Variants in VIPAS39 observed in about 807,000 individuals in gnomAD.
VIPAS39 encodes the protein spermatogenesis-defective protein 39 homolog.
In VIPAS39, 63 loss-of-function variants were observed where a neutral mutation model predicts 84.7. The observed-to-expected ratio is 0.74, with a 90% CI of 0.61 to 0.92. VIPAS39 has a LOEUF of 0.92. VIPAS39 is among the 40% of genes least tolerant of loss of function. The pLI, the probability that VIPAS39 is intolerant of heterozygous loss-of-function variation, is 0.00. For missense variants in VIPAS39, 499 were observed against 604.5 expected, an observed-to-expected ratio of 0.83 and a Z score of 1.83; for synonymous variants, 192 against 216.5, an observed-to-expected ratio of 0.89 and a Z score of 0.99.
intron 17 of VIPAS39, among the ~76,000 whole-genome samples, chr14:77,429,368 G>A (rs2078483028): frequency 6.6e-6 from 1 of 152,184 alleles, no homozygotes; most frequent in African/African-American, 2.4e-5. Context: ...GTGATCCAGT[G>A]CTCTGCTCAT....
intron 1 of VIPAS39, among the ~76,000 whole-genome samples, chr14:77,456,302 G>A (rs910483499): frequency 1.3e-5 from 2 of 151,834 alleles, no homozygotes; most frequent in Non-Finnish European, 2.9e-5. Context: ...ACATCATCCT[G>A]GTACCTTGGG....
At chr14:77,456,984 G>T in intron 1 of VIPAS39, 1 of 900,804 alleles carries the variant, frequency 1.1e-6, no homozygotes, top group Non-Finnish European at 1.5e-6. Flanking sequence ...AGCCCACAAG[G>T]CAGGGTGAGA....
chr14:77,441,540 T>G (rs913253597), intron 10 of VIPAS39, among the ~76,000 whole-genome samples: 4 of 152,210 alleles, frequency 2.6e-5, no homozygotes, highest in African/African-American at 7.2e-5. Flanking sequence ...TTACTCTGAA[T>G]AGACCACCAT....
At chr14:77,452,053 T>C (rs1566739180) in intron 3 of VIPAS39, among the ~76,000 whole-genome samples, 1 of 152,056 alleles carries the variant, frequency 6.6e-6, no homozygotes, top group Non-Finnish European at 1.5e-5. Flanking sequence ...GAGCAAAAGA[T>C]TGAAAAATCT....
At chr14:77,456,888 C>T (rs2139920497) in intron 1 of VIPAS39, among the ~76,000 whole-genome samples, 1 of 152,222 alleles carries the variant, frequency 6.6e-6, no homozygotes, top group African/African-American at 2.4e-5. Context: ...TAATCAGGTA[C>T]GATTGTCACT....
rs1566743094 is a variant in VIPAS39 at position 77,457,210 on chromosome 14, A to T, written c.-1+285T>A. ...AGGATGACTCTACGGGTGAACGTCCAGGAAGCCATGGATCTACCGCAGTCG... is the reference window on the plus strand; with the variant it reads ...AGGATGACTCTACGGGTGAACGTCCTGGAAGCCATGGATCTACCGCAGTCG... On this transcript the variant is annotated intron_variant, in intron 1 of 19. Coordinates refer to ENST00000557658, the MANE Select transcript of VIPAS39 (RefSeq NM_001193315.2). 4.0e-6 allele frequency: 6 copies of T among 1,513,238 alleles called. No homozygotes were observed. In the East Asian group the frequency reaches 1.2e-4, roughly 31 times the overall value. 93.7% of individuals were successfully genotyped at this position (1,513,238 alleles called of 1,614,324 possible).
rs145453157 is a variant in VIPAS39, at chr14:77,428,376, G to A, written c.1455C>T (p.Ser485=). ...GTGAACTGTAGCTGCTCACCGAGCT[G>A]CTGAGAAGAGCATCAATCTTCTCCT... is the stretch of plus-strand genomic sequence containing the variant. The part of the protein sequence containing the change: ...AEEEKIDALL[S]SSQIRWKN Residue 485 remains serine, a synonymous_variant, in exon 19 of 20, where the codon AGC becomes AGT. Coordinates refer to ENST00000557658, the MANE Select transcript of VIPAS39 (RefSeq NM_001193315.2). 3 of 1,613,646 alleles carry A rather than the reference G, an allele frequency of 1.9e-6. No individual in the cohort carries two copies. The highest frequency in any genetic ancestry group is 1.7e-5 in the Admixed American group (1 of 59,988).
chr14:77,436,067 G>T, intron 12 of VIPAS39, 148 bp from the exon 13 acceptor site: 1 of 788,130 alleles, frequency 1.3e-6, no homozygotes, highest in Non-Finnish European at 2.2e-6. Flanking sequence ...CTTAAAGAAA[G>T]ACATCGCATG....
In VIPAS39 at chr14:77,429,722, G is replaced by C. The variant is rs757047677; in HGVS notation, c.1225C>G (p.Arg409Gly). 3.7e-6 allele frequency: 6 copies of C among 1,614,146 alleles called. No homozygotes were observed. The East Asian group carries it at 1.3e-4, about 36-fold the overall frequency. The change falls in exon 17 of 20, where the codon CGG (arginine) becomes GGG (glycine). Residue 409 changes from arginine to glycine, a missense_variant. Coordinates refer to ENST00000557658, the MANE Select transcript of VIPAS39 (RefSeq NM_001193315.2). Reference sequence around the variant, plus strand: ...TTCTTGTGCAAAATTTCGACAACCCGATGGAAGCCAATGGGTGCTCTCTTC... The same window carrying C: ...TTCTTGTGCAAAATTTCGACAACCCCATGGAAGCCAATGGGTGCTCTCTTC... ...TKKRAPIGFH[R>G]VVEILHKNNA...
At chr14:77,441,372 GTT>G (rs34716621) in intron 10 of VIPAS39, among the ~76,000 whole-genome samples, 4 of 149,176 alleles carry the variant, frequency 2.7e-5, no homozygotes, top group Non-Finnish European at 3.0e-5. Flanking sequence ...CTTGGTTGTT[GTT>G]TTTTTTTTTC....
At chr14:77,454,235 T>C (rs970179701) in intron 1 of VIPAS39, 133 bp from the exon 2 acceptor site, 2 of 792,868 alleles carry the variant, frequency 2.5e-6, no homozygotes, top group Non-Finnish European at 4.3e-6. Flanking sequence ...AAAACAAATA[T>C]TGAACCTGCC....
At chr14:77,456,663 A>T (rs2078965495) in intron 1 of VIPAS39, among the ~76,000 whole-genome samples, 1 of 152,240 alleles carries the variant, frequency 6.6e-6, no homozygotes, top group Non-Finnish European at 1.5e-5. Context: ...ACTTTCCAGA[A>T]AACTAGAGAT....
chr14:77,428,081 C>T (rs145641224), intron 19 of VIPAS39, among the ~76,000 whole-genome samples: 33 of 152,302 alleles, frequency 2.2e-4, no homozygotes, highest in African/African-American at 7.2e-4. Context: ...AACATGTTTT[C>T]ATACTTTCAA....
chr14:77,432,311 G>A (rs1439867336), intron 16 of VIPAS39, among the ~76,000 whole-genome samples: 1 of 152,064 alleles, frequency 6.6e-6, no homozygotes, highest in Non-Finnish European at 1.5e-5. Context: ...CTGGTACACT[G>A]TTGTCGGTGG....
intron 6 of VIPAS39, 107 bp downstream of exon 6, chr14:77,449,186 G>A (rs754538697): frequency 1.0e-4 from 127 of 1,273,954 alleles, no homozygotes; most frequent in Non-Finnish European, 1.4e-4. Context: ...TATAAAACAG[G>A]GTTAAAAAAA....
chr14:77,429,610 C>T, intron 17 of VIPAS39, 71 bp downstream of exon 17: 1 of 1,492,852 alleles, frequency 6.7e-7, no homozygotes, highest in South Asian at 1.1e-5. Context: ...TCTCCCATCA[C>T]TGACCAGTAA....
Position 77,428,386 on chromosome 14 carries a change from G to A in VIPAS39, c.1445C>T (p.Ala482Val), listed in dbSNP as rs905180434. Reference sequence around the variant, plus strand: ...GCTGCTCACCGAGCTGCTGAGAAGAGCATCAATCTTCTCCTCCTCTGCTGA... The same window carrying A: ...GCTGCTCACCGAGCTGCTGAGAAGAACATCAATCTTCTCCTCCTCTGCTGA... ...KGSAEEEKID[A>V]LLSSSQIRWK... Residue 482 changes from alanine to valine, a missense_variant, in exon 19 of 20, where the codon GCT (alanine) becomes GTT (valine). Ala to Val is a moderately conservative substitution (Grantham distance 64). Coordinates refer to ENST00000557658, the MANE Select transcript of VIPAS39 (RefSeq NM_001193315.2). 2.5e-6 allele frequency: 4 copies of A among 1,613,606 alleles called. No homozygotes were observed. The African/African-American group carries it at 4.0e-5, about 16-fold the overall frequency.
At chr14:77,439,452 T>C (rs957433899) in intron 11 of VIPAS39, among the ~76,000 whole-genome samples, 4 of 152,166 alleles carry the variant, frequency 2.6e-5, no homozygotes, top group Non-Finnish European at 4.4e-5. Context: ...TTTTTCAGAT[T>C]CTCTCATGCT....
chr14:77,437,971 A>AT, intron 11 of VIPAS39, 90 bp from the exon 12 acceptor site: 1 of 1,341,174 alleles, frequency 7.5e-7, no homozygotes, highest in Non-Finnish European at 1.1e-6. Flanking sequence ...CTTTAAAAAA[A>AT]CAAATTCTTC....
Sources: gnomAD v4.1 joint callset for allele counts (sites outside exome capture counted in the v4.1 genomes callset) on GRCh38, gnomAD v4.1.1 for gene constraint, MANE v1.5 for transcripts, NCBI Gene and HGNC (gene_info 2026-07-23, HGNC 2026-07-21) for gene names.